The following ERMP1 variants were observed in gnomAD, a reference collection of about 807,000 sequenced individuals.
The protein encoded by ERMP1 is Felix-ina.
Under a neutral mutation model 92.0 loss-of-function variants are expected in ERMP1, and 86 were observed. That is an observed-to-expected ratio of 0.93 (90% CI 0.79 to 1.12). The LOEUF (loss-of-function observed/expected upper bound fraction) is 1.12. ERMP1 is among the 50% of genes most tolerant of loss of function. ERMP1 has a pLI of 0.00. For synonymous variants in ERMP1, 530 were observed against 412.8 expected, an observed-to-expected ratio of 1.28 and a Z score of -3.44; for missense variants, 1,342 against 1,116.3, an observed-to-expected ratio of 1.20 and a Z score of -2.88.
chr9:5,802,847 A>C (rs1255805341), intron 10 of ERMP1, among the ~76,000 whole-genome samples: 1 of 152,182 alleles, frequency 6.6e-6, no homozygotes, highest in Non-Finnish European at 1.5e-5. Flanking sequence ...TGGACATTTC[A>C]GAGTCCCTTT....
At chr9:5,808,466 C>G (rs957155870) in intron 8 of ERMP1, among the ~76,000 whole-genome samples, 1 of 152,178 alleles carries the variant, frequency 6.6e-6, no homozygotes, top group African/African-American at 2.4e-5. Context: ...CTTCCTTCAG[C>G]AGGAGCTGCT....
At chr9:5,792,539 T>G (rs1242781054) in intron 13 of ERMP1, among the ~76,000 whole-genome samples, 1 of 152,172 alleles carries the variant, frequency 6.6e-6, no homozygotes, top group Non-Finnish European at 1.5e-5. Flanking sequence ...TCAACTTCTT[T>G]GAGAAACAAT....
chr9:5,810,146 TATA>T lies in ERMP1; in HGVS notation c.1410_1412del (p.Ile471del). On this transcript the variant is annotated inframe_deletion, in exon 8 of 15. Transcript: ENST00000339450. ...GTCCAATAAGAGAGATGAACACTGC[TATA>T]ATGAGAACGGTAACAAGGCTAGTGA... 1 of 1,614,092 alleles carries T rather than the reference TATA, an allele frequency of 6.2e-7. No individual in the cohort carries two copies. Among genetic ancestry groups the T allele is most frequent in the Non-Finnish European group, 8.5e-7 (1 of 1,179,960 alleles).
upstream of ERMP1, among the ~76,000 whole-genome samples, chr9:5,834,388 A>C (rs568448659): frequency 2.0e-5 from 3 of 152,302 alleles, no homozygotes; most frequent in South Asian, 6.2e-4. Flanking sequence ...TGACTATTTC[A>C]TAACTTCCTC....
chr9:5,818,901 C>T (rs1829422681), intron 4 of ERMP1, among the ~76,000 whole-genome samples: 1 of 152,192 alleles, frequency 6.6e-6, no homozygotes, highest in South Asian at 2.1e-4. Context: ...TGCTTATACT[C>T]ATCAGCACTG....
chr9:5,818,082 A>G (rs1404171000), intron 4 of ERMP1, among the ~76,000 whole-genome samples: 2 of 152,020 alleles, frequency 1.3e-5, no homozygotes, highest in Non-Finnish European at 2.9e-5. Context: ...GGATCACTTG[A>G]GCCCAGGAGC....
intron 6 of ERMP1, chr9:5,856,036 G>C: frequency 2.7e-6 from 1 of 373,302 alleles, no homozygotes; most frequent in Non-Finnish European, 5.3e-6. Context: ...TGAAGCCCAG[G>C]TTATATACCC....
intron 1 of ERMP1, 133 bp from the exon 2 acceptor site, chr9:5,831,161 CATTATTT>C (rs1252058699): frequency 1.6e-5 from 10 of 641,810 alleles, no homozygotes; most frequent in Non-Finnish European, 2.7e-5. Context: ...GACCGCCTTT[CATTATTT>C]CAGACACCAA....
intron 4 of ERMP1, among the ~76,000 whole-genome samples, chr9:5,822,929 G>A (rs1829595549): frequency 6.6e-6 from 1 of 152,114 alleles, no homozygotes; most frequent in African/African-American, 2.4e-5. Flanking sequence ...TTCCAATAAT[G>A]GAACACTAGG....
chr9:5,806,863 C>T (rs1828891483), intron 8 of ERMP1, among the ~76,000 whole-genome samples: 1 of 152,106 alleles, frequency 6.6e-6, no homozygotes, highest in Non-Finnish European at 1.5e-5. Context: ...TAAAGTTTCT[C>T]CTTCTTCAAG....
chr9:5,798,982 CA>C lies in ERMP1; in HGVS notation c.2093del (p.Leu698TrpfsTer25). On this transcript the variant is annotated frameshift_variant, in exon 12 of 15. Coordinates refer to ENST00000339450, the MANE Select transcript of ERMP1 (RefSeq NM_024896.3). LOFTEE classifies it high-confidence loss of function. ...AGTCCCGTTTAACTGCATTTCCTTC[CA>C]AGTCATGGAATGTTCTAGTCATATG... ...LQHMTRTFHD[L>X]EGNAVKRDSG... The C allele has an allele frequency of 6.2e-7, 1 of 1,613,380 alleles. No individual in the cohort carries two copies. The highest frequency in any genetic ancestry group is 8.5e-7 in the Non-Finnish European group (1 of 1,179,578).
chr9:5,835,721 A>C (rs1225085062), upstream of ERMP1, among the ~76,000 whole-genome samples: 1 of 152,156 alleles, frequency 6.6e-6, no homozygotes, highest in Admixed American at 6.5e-5. Flanking sequence ...GGTGGTTTTG[A>C]GCAGTGAAAG....
chr9:5,830,743 T>C lies in ERMP1; in HGVS notation c.624A>G (p.Ser208=), dbSNP rs768978196. 2.5e-6 allele frequency: 4 copies of C among 1,612,270 alleles called. No individual in the cohort carries two copies. The African/African-American group carries it at 4.0e-5, about 16-fold the overall frequency. The stretch of plus-strand genomic sequence containing the variant: ...GGTACATACCTGGTGAGTTTGCTAC[T>C]GAGTCAAAATGACAATTAGCCAAGA... ...HAVLANCHFD[S]VANSPGASDD... The change falls in exon 2 of 15, where the codon TCA becomes TCG. Residue 208 remains serine, a synonymous_variant. Transcript: ENST00000339450.
chr9:5,843,700 G>A (rs1020379087), intron 6 of ERMP1, among the ~76,000 whole-genome samples: 2 of 152,144 alleles, frequency 1.3e-5, no homozygotes, highest in Middle Eastern at 3.2e-3. Flanking sequence ...GTAGCAGAAC[G>A]CTTTCTGAAG....
chr9:5,793,192 G>C (rs1329687138), intron 13 of ERMP1, among the ~76,000 whole-genome samples: 4 of 152,036 alleles, frequency 2.6e-5, no homozygotes, highest in African/African-American at 4.8e-5. Context: ...TCCCTGTGAT[G>C]CAGAATAGTA....
chr9:5,801,137 C>G (rs1251611523), intron 11 of ERMP1, 39 bp downstream of exon 11: 9 of 1,580,268 alleles, frequency 5.7e-6, no homozygotes, highest in Non-Finnish European at 7.7e-6. Context: ...CACAGGGCTT[C>G]CTTTCCAGAT....
At chr9:5,833,744 G>T (rs1160208830), upstream of ERMP1, among the ~76,000 whole-genome samples, 3 of 152,198 alleles carry the variant, frequency 2.0e-5, no homozygotes, top group East Asian at 5.8e-4. Context: ...AGAGATAACA[G>T]ATGAAGAATG....
intron 6 of ERMP1, among the ~76,000 whole-genome samples, chr9:5,841,669 T>C (rs1006401812): frequency 3.3e-5 from 5 of 152,192 alleles, no homozygotes; most frequent in African/African-American, 1.2e-4. Context: ...CACGTGCCTG[T>C]AATCCCAGCT....
At chr9:5,805,360 G>A (rs1586786420) in intron 9 of ERMP1, 143 bp from the exon 10 acceptor site, 1 of 694,804 alleles carries the variant, frequency 1.4e-6, no homozygotes, top group Admixed American at 3.2e-5. Context: ...TTATCTTGGA[G>A]TAGGATCTTT....
Sources: gnomAD v4.1 joint callset for allele counts (sites outside exome capture counted in the v4.1 genomes callset) on GRCh38, gnomAD v4.1.1 for gene constraint, MANE v1.5 for transcripts, NCBI Gene and HGNC (gene_info 2026-07-23, HGNC 2026-07-21) for gene names.